The following AKR1E2 variants were observed in gnomAD, a reference collection of about 807,000 sequenced individuals.
The protein encoded by AKR1E2 is 1,5-anhydro-D-fructose reductase.
AKR1E2 carries 43 observed loss-of-function variants against 41.9 expected under a neutral mutation model. The observed-to-expected ratio is 1.03, with a 90% CI of 0.80 to 1.32. The LOEUF (loss-of-function observed/expected upper bound fraction) is 1.32, where lower values mean the gene tolerates loss of function less well. AKR1E2 is among the 40% of genes most tolerant of loss of function. The probability of loss-of-function intolerance (pLI) is 0.00; values close to 1 mark genes in which losing one functional copy is unlikely to be tolerated. For synonymous variants in AKR1E2, 121 were observed against 138.9 expected, an observed-to-expected ratio of 0.87 and a Z score of 0.91; for missense variants, 423 against 396.5, an observed-to-expected ratio of 1.07 and a Z score of -0.57.
At chr10:4,829,965 T>A (rs998011437) in intron 1 of AKR1E2, among the ~76,000 whole-genome samples, 1 of 152,256 alleles carries the variant, frequency 6.6e-6, no homozygotes, top group African/African-American at 2.4e-5. Flanking sequence ...TAACTTAAGA[T>A]GGATACTTGG....
At chr10:4,869,337 C>A in the AKR1E2 span, among the ~76,000 whole-genome samples, 3 of 152,076 alleles carry the variant, frequency 2.0e-5, no homozygotes, top group Admixed American at 2.0e-4. Flanking sequence ...TACCCCATTA[C>A]CATCCTGTTT....
chr10:4,868,247 T>G, the AKR1E2 span, among the ~76,000 whole-genome samples: 2 of 152,154 alleles, frequency 1.3e-5, no homozygotes, highest in Admixed American at 1.3e-4. Flanking sequence ...TGATCCTGAC[T>G]GGATGACAGA....
downstream of AKR1E2, among the ~76,000 whole-genome samples, chr10:4,852,496 G>C (rs879477501): frequency 7.9e-5 from 12 of 152,172 alleles, no homozygotes; most frequent in African/African-American, 2.4e-5. Context: ...TCCATCAATG[G>C]AAGGAGAATA....
upstream of AKR1E2, chr10:4,825,034 C>T (rs1486000652): frequency 1.1e-5 from 5 of 455,484 alleles, no homozygotes; most frequent in African/African-American, 2.0e-5. Context: ...TTGCCCCGTG[C>T]ACAGGTGAGT....
At chr10:4,826,194 C>T (rs1329759210), upstream of AKR1E2, 11 of 639,010 alleles carry the variant, frequency 1.7e-5, no homozygotes, top group East Asian at 1.7e-4. Flanking sequence ...CAGCCATTGT[C>T]GGAGTGTCAG....
chr10:4,841,160 CTGTT>C (rs899478726), intron 6 of AKR1E2, among the ~76,000 whole-genome samples: 2 of 152,104 alleles, frequency 1.3e-5, no homozygotes, highest in Admixed American at 6.5e-5. Flanking sequence ...ACTGGGCACT[CTGTT>C]TGGTTCCTTC....
intron 1 of AKR1E2, 62 bp downstream of exon 1, chr10:4,826,425 C>T: frequency 8.2e-7 from 1 of 1,214,690 alleles, no homozygotes; most frequent in Non-Finnish European, 1.0e-6. Flanking sequence ...TTGGGGGCGC[C>T]CGATGGGACC....
the AKR1E2 span, among the ~76,000 whole-genome samples, chr10:4,860,167 G>C: frequency 6.6e-6 from 1 of 152,318 alleles, no homozygotes; most frequent in African/African-American, 2.4e-5. Flanking sequence ...TTCCAGGCCA[G>C]TGAACTTAAA....
chr10:4,847,882 C>T lies in AKR1E2; in HGVS notation c.*352C>T, dbSNP rs542159688. The T allele has an allele frequency of 1.3e-4, 29 of 225,300 alleles. No individual in the cohort carries two copies. The highest frequency in any genetic ancestry group is 2.2e-4 in the Non-Finnish European group (26 of 116,018). 14.0% of individuals were successfully genotyped at this position (225,300 alleles called of 1,614,324 possible). A position where few individuals can be genotyped will look rare whatever the true frequency, so the allele number is the denominator to read the frequency against. On this transcript the variant is annotated 3_prime_UTR_variant, in exon 10 of 10. Transcript: ENST00000298375. Reference sequence around the variant, plus strand: ...AGTGTAATGTGTCTCTGCCCCATTGCGCAGCTCCACCCATTGTGCCCCAGG... The same window carrying T: ...AGTGTAATGTGTCTCTGCCCCATTGTGCAGCTCCACCCATTGTGCCCCAGG...
the AKR1E2 span, among the ~76,000 whole-genome samples, chr10:4,870,503 A>C: frequency 0.054 from 1,579 of 29,200 alleles, 15 homozygotes; most frequent in Non-Finnish European, 0.16. Context: ...CTTTTATTTT[A>C]CCTTCTGCAA....
the AKR1E2 span, chr10:4,872,003 C>A: frequency 2.0e-5 from 3 of 152,260 alleles, no homozygotes; most frequent in Admixed American, 1.3e-4. Flanking sequence ...TTCTGTTAAA[C>A]TGGTGTGAGC....
At chr10:4,865,149 T>C in the AKR1E2 span, among the ~76,000 whole-genome samples, 1 of 152,126 alleles carries the variant, frequency 6.6e-6, no homozygotes, top group Non-Finnish European at 1.5e-5. Flanking sequence ...AAACTTCACA[T>C]TAAACAAATT....
In AKR1E2 at chr10:4,839,743, A is replaced by T. The variant is rs2290349; in HGVS notation, c.597A>T (p.Pro199=). Residue 199 remains proline, a synonymous_variant, in exon 6 of 10, where the codon CCA becomes CCT. Coordinates refer to ENST00000298375, the MANE Select transcript of AKR1E2 (RefSeq NM_001040177.3). The part of the protein sequence containing the change: ...KPLTNQIECH[P]YLTQKNLISF... ...TTCTGTTATAGATTGAGTGCCACCC[A>T]TATCTTACTCAGAAGAATCTGATCA... is the stretch of plus-strand genomic sequence containing the variant. 6.2e-7 allele frequency: 1 copy of T among 1,613,322 alleles called. No individual in the cohort carries two copies. Among genetic ancestry groups the T allele is most frequent in the African/African-American group, 1.3e-5 (1 of 74,864 alleles).
At chr10:4,845,892 G>C (rs184895431) in intron 8 of AKR1E2, 2 of 468,180 alleles carry the variant, frequency 4.3e-6, no homozygotes, top group African/African-American at 4.0e-5. Context: ...AGACAGCAGC[G>C]GCGGGTTAGG....
At chr10:4,845,698 C>T (rs185229733) in intron 8 of AKR1E2, 66 of 470,454 alleles carry the variant, frequency 1.4e-4, no homozygotes, top group Non-Finnish European at 2.6e-4. Context: ...TCTCAATGCC[C>T]GGGATCCCCA....
At chr10:4,827,781 C>T (rs976210863) in intron 1 of AKR1E2, among the ~76,000 whole-genome samples, 15 of 152,226 alleles carry the variant, frequency 9.9e-5, no homozygotes, top group African/African-American at 3.1e-4. Context: ...CATATTGGTT[C>T]TCAGCATCTA....
chr10:4,865,959 TCCCCTAG>T, the AKR1E2 span, among the ~76,000 whole-genome samples: 2 of 152,196 alleles, frequency 1.3e-5, no homozygotes, highest in Non-Finnish European at 2.9e-5. Context: ...AGGATTGTTT[TCCCCTAG>T]GGTTCTTTTG....
chr10:4,857,923 T>G, the AKR1E2 span, among the ~76,000 whole-genome samples: 39,215 of 152,000 alleles, frequency 0.26, 5,247 homozygotes, highest in Middle Eastern at 0.37. Flanking sequence ...TTGACCTTTT[T>G]TGAAGAACCA....
At chr10:4,839,062 A>C (rs1387177912) in intron 5 of AKR1E2, among the ~76,000 whole-genome samples, 1 of 152,228 alleles carries the variant, frequency 6.6e-6, no homozygotes, top group African/African-American at 2.4e-5. Context: ...CTAAATAACT[A>C]TTTATTTTAA....
Sources: gnomAD v4.1 joint callset for allele counts (sites outside exome capture counted in the v4.1 genomes callset) on GRCh38, gnomAD v4.1.1 for gene constraint, MANE v1.5 for transcripts, NCBI Gene and HGNC (gene_info 2026-07-23, HGNC 2026-07-21) for gene names.